Variants in NYNRIN observed in about 807,000 individuals in gnomAD.
NYNRIN encodes the protein NYN domain and retroviral integrase containing, also known as protein NYNRIN.
A neutral mutation model predicts 146.6 loss-of-function variants in NYNRIN; 86 were observed. The ratio of observed to expected loss-of-function variants is 0.59; its 90% CI spans 0.49 to 0.70. NYNRIN has a LOEUF of 0.70. Ranked by LOEUF, NYNRIN falls within the 30% of genes least tolerant of loss-of-function variation. The pLI, the probability that NYNRIN is intolerant of heterozygous loss-of-function variation, is 0.00. For missense variants in NYNRIN, 2,191 were observed against 2,377.7 expected (o/e 0.92, Z 1.63); for synonymous variants, 1,027 against 1,001.3 (o/e 1.03, Z -0.48).
In NYNRIN at chr14:24,414,831, A is replaced by T; in HGVS notation, c.3082A>T (p.Arg1028Trp). 6.2e-7 allele frequency: 1 copy of T among 1,613,448 alleles called. No individual in the cohort carries two copies. The highest frequency in any genetic ancestry group is 8.5e-7 in the Non-Finnish European group (1 of 1,179,570). Reference sequence around the variant, plus strand: ...TGACTCTTCGCTGGCGTCAGTGTTCAGGGTGGAGTGCCCGTCCCTTTCGGA... The same window carrying T: ...TGACTCTTCGCTGGCGTCAGTGTTCTGGGTGGAGTGCCCGTCCCTTTCGGA... ...DLDSSLASVFRVECPSLSEEI... is the reference protein window; with the variant it reads ...DLDSSLASVFWVECPSLSEEI... The change falls in exon 9 of 9, where the codon AGG (arginine) becomes TGG (tryptophan). Residue 1028 changes from arginine (R) to tryptophan (W), a missense_variant. This residue lies in a region of NYNRIN where 1,291 missense variants were observed against 1,417.0 expected (regional missense o/e 0.91). Coordinates refer to ENST00000382554, the MANE Select transcript of NYNRIN (RefSeq NM_025081.3).
rs777654963 is a variant in NYNRIN, at chr14:24,409,100, G to C, written c.1306G>C (p.Gly436Arg). ...AGAAAGCCCAGCTGGTAGACCAGAT[G>C]GGGGGCTGGGAGGAGAAGCAGCCCT... is the stretch of plus-strand genomic sequence containing the variant. Reference protein sequence around the residue: ...SAESPAGRPDGGLGGEAALQN... With the variant: ...SAESPAGRPDRGLGGEAALQN... The change falls in exon 4 of 9, where the codon GGG (glycine) becomes CGG (arginine). Residue 436 changes from glycine to arginine, a missense_variant. Gly to Arg is a moderately radical substitution (Grantham distance 125). This residue lies in a region of NYNRIN where 895 missense variants were observed against 941.2 expected (regional missense o/e 0.95). Transcript: ENST00000382554. 24 of 1,613,570 alleles carry C rather than the reference G, an allele frequency of 1.5e-5. No individual in the cohort carries two copies. The highest frequency in any genetic ancestry group is 9.9e-5 in the South Asian group (9 of 91,036).
At chr14:24,404,917 C>T (rs900502542) in intron 2 of NYNRIN, among the ~76,000 whole-genome samples, 11 of 152,098 alleles carry the variant, frequency 7.2e-5, no homozygotes, top group African/African-American at 2.4e-4. Context: ...TTATGCTGAT[C>T]AACCTCGACT....
chr14:24,410,658 G>C (rs1321000995), intron 4 of NYNRIN, among the ~76,000 whole-genome samples: 1 of 152,206 alleles, frequency 6.6e-6, no homozygotes, highest in African/African-American at 2.4e-5. Flanking sequence ...ACTTACTGCT[G>C]TAGAGGTGTT....
chr14:24,406,731 A>C (rs1292485056), intron 2 of NYNRIN, among the ~76,000 whole-genome samples: 1 of 152,148 alleles, frequency 6.6e-6, no homozygotes, highest in Non-Finnish European at 1.5e-5. Context: ...AAGAGGGATG[A>C]GAGGGATGAC....
rs745495287 is a variant in NYNRIN, at chr14:24,415,676, C to T, written c.3927C>T (p.Cys1309=). ...PPFSDLSTFV[C]IHMSGYCFYR... is the part of the protein sequence containing the mutation. ...TCTCTGACCTGTCCACGTTCGTCTG[C>T]ATCCACATGTCGGGCTACTGCTTCT... is the stretch of plus-strand genomic sequence containing the variant. Residue 1309 remains cysteine, a synonymous_variant, in exon 9 of 9, where the codon TGC becomes TGT. Coordinates refer to ENST00000382554, the MANE Select transcript of NYNRIN (RefSeq NM_025081.3). 5.6e-5 allele frequency: 91 copies of T among 1,614,008 alleles called. No homozygotes were observed. The highest frequency in any genetic ancestry group is 7.6e-5 in the Non-Finnish European group (90 of 1,179,886).
Position 24,416,508 on chromosome 14 carries a change from T to C in NYNRIN, c.4759T>C (p.Leu1587=). The C allele has an allele frequency of 6.2e-7, 1 of 1,613,824 alleles. No homozygotes were observed. The highest frequency in any genetic ancestry group is 8.5e-7 in the Non-Finnish European group (1 of 1,179,816). The part of the protein sequence containing the change: ...EHVKDYCRSC[L]FCIPRNLIGS... ...TGTGAAAGATTACTGCAGGAGCTGC[T>C]TGTTCTGCATCCCCCGAAATCTCAT... is the stretch of plus-strand genomic sequence containing the variant. The change falls in exon 9 of 9, where the codon TTG becomes CTG. Residue 1587 remains leucine (L), a synonymous_variant. Coordinates refer to ENST00000382554, the MANE Select transcript of NYNRIN (RefSeq NM_025081.3).
In NYNRIN at chr14:24,411,668, T is replaced by A. The variant is rs1366027120; in HGVS notation, c.2642+218T>A. Among the ~76,000 whole-genome samples the A allele has an allele frequency of 6.6e-6, 1 of 152,172 alleles. No individual in the cohort carries two copies. Among genetic ancestry groups the A allele is most frequent in the Non-Finnish European group, 1.5e-5 (1 of 68,028 alleles). ...TTGGCTCTCCCCAAGCCCGGAGTTG[T>A]TTCTGACTTTGGGACTCTGGAGTCC... On this transcript the variant is annotated intron_variant, in intron 6 of 8. Coordinates refer to ENST00000382554, the MANE Select transcript of NYNRIN (RefSeq NM_025081.3). This position sits in a 1 kb window ranked among gnomAD's most constrained non-coding sequence, Gnocchi z 4.3.
rs756629637 is a variant in NYNRIN at position 24,411,421 on chromosome 14, T to C, written c.2613T>C (p.Asn871=). ...CAATCACACCCTCCCAGCTTGAGAA[T>C]GGCAAGAAGATCACCACCTACGATT... ...MLSITPSQLE[N]GKKITTYDYR... is the part of the protein sequence containing the mutation. The change falls in exon 6 of 9, where the codon AAT becomes AAC. Residue 871 remains asparagine, a synonymous_variant. Transcript: ENST00000382554. This position sits in a 1 kb window ranked among gnomAD's most constrained non-coding sequence, Gnocchi z 4.3. 1 of 1,614,000 alleles carries C rather than the reference T, an allele frequency of 6.2e-7. No homozygotes were observed. The highest frequency in any genetic ancestry group is 1.7e-5 in the Admixed American group (1 of 60,014).
Position 24,413,078 on chromosome 14 carries a change from G to A in NYNRIN, c.2724G>A (p.Lys908=). ...EQIHILMNSS[K]KLMVKDRLLP... ...TTCACATCCTGATGAATAGTTCCAA[G>A]AAACTGATGGTCAAAGATCGGTAAG... The change falls in exon 7 of 9, where the codon AAG becomes AAA. Residue 908 remains lysine (K), a synonymous_variant. Coordinates refer to ENST00000382554, the MANE Select transcript of NYNRIN (RefSeq NM_025081.3). The A allele has an allele frequency of 6.3e-7, 1 of 1,593,092 alleles. No homozygotes were observed.
chr14:24,412,036 C>T (rs1341092422), intron 6 of NYNRIN, among the ~76,000 whole-genome samples: 1 of 152,242 alleles, frequency 6.6e-6, no homozygotes, highest in Non-Finnish European at 1.5e-5. Flanking sequence ...GGCATAGTCA[C>T]TGGTCCTGGG....
In NYNRIN at chr14:24,419,202, T is replaced by A. The variant is rs540391237; in HGVS notation, c.*1756T>A. 7 of 152,284 alleles carry A rather than the reference T, an allele frequency of 4.6e-5. No homozygotes were observed. Among genetic ancestry groups the A allele is most frequent in the Non-Finnish European group, 1.0e-4 (7 of 68,044 alleles). The allele number at this position is 152,284 out of a possible 1,614,324, so 9.4% of individuals were successfully genotyped here. ...TCCCTGGTGCTGTATGCGTTCCCCC[T>A]GTTAGCTACATTTGTGATCACATAC... On this transcript the variant is annotated 3_prime_UTR_variant, in exon 9 of 9. Transcript: ENST00000382554.
At position 24,416,561 on chromosome 14, in the gene NYNRIN, C is replaced by T. The variant is rs748649474; in HGVS notation, c.4812C>T (p.Ser1604=). ...LIGSELKVIE[S]PWPLRSTAPW... ...GCAGCGAGTTGAAGGTTATTGAGTCCCCATGGCCCCTCAGGTCGACCGCCC... is the reference window on the plus strand; with the variant it reads ...GCAGCGAGTTGAAGGTTATTGAGTCTCCATGGCCCCTCAGGTCGACCGCCC... Residue 1604 remains serine, a synonymous_variant, in exon 9 of 9, where the codon TCC becomes TCT. Transcript: ENST00000382554. The T allele has an allele frequency of 6.8e-6, 11 of 1,613,822 alleles. No individual in the cohort carries two copies. The African/African-American group carries it at 1.3e-4, about 20-fold the overall frequency.
chr14:24,401,871 A>G (rs2042845847), intron 2 of NYNRIN, among the ~76,000 whole-genome samples: 2 of 152,338 alleles, frequency 1.3e-5, no homozygotes, highest in South Asian at 2.1e-4. Flanking sequence ...ACACATGAAC[A>G]TTTCCCAAGT....
chr14:24,414,485 C>G, intron 8 of NYNRIN, 111 bp from the exon 9 acceptor site: 1 of 1,424,482 alleles, frequency 7.0e-7, no homozygotes, highest in East Asian at 2.5e-5. Context: ...GTTGTTGGCA[C>G]TTGGCCCAGC....
rs369971400 is a variant in NYNRIN at position 24,417,419 on chromosome 14, G to C, written c.5670G>C (p.Pro1890=). ...LMKAFAKSGT[P]LSFKVLEQ is the part of the protein sequence containing the mutation. ...AGGCCTTTGCCAAGAGTGGCACCCC[G>C]CTGTCCTTCAAGGTCTTGGAGCAGT... Residue 1890 remains proline, a synonymous_variant, in exon 9 of 9, where the codon CCG becomes CCC. Transcript: ENST00000382554. The C allele has an allele frequency of 6.6e-7, 1 of 1,525,650 alleles. No individual in the cohort carries two copies. 94.5% of individuals were successfully genotyped at this position (1,525,650 alleles called of 1,614,324 possible).
chr14:24,417,682 G>A lies in NYNRIN; in HGVS notation c.*236G>A. ...CAAAGGCTGTCAGATATGGGTCCCT[G>A]GCAGTTTTACACTGGGAAATGGAGT... On this transcript the variant is annotated 3_prime_UTR_variant, in exon 9 of 9. Transcript: ENST00000382554. 1 of 507,634 alleles carries A rather than the reference G, an allele frequency of 2.0e-6. No individual in the cohort carries two copies. Among genetic ancestry groups the A allele is most frequent in the Non-Finnish European group, 3.3e-6 (1 of 301,456 alleles). 31.4% of individuals were successfully genotyped at this position (507,634 alleles called of 1,614,324 possible).
chr14:24,417,481 C>A lies in NYNRIN; in HGVS notation c.*35C>A, dbSNP rs780546549. On this transcript the variant is annotated 3_prime_UTR_variant, in exon 9 of 9. Coordinates refer to ENST00000382554, the MANE Select transcript of NYNRIN (RefSeq NM_025081.3). ...GCGGGGGTGCCCCCTGCCCCAGGGC[C>A]GTGGGTTTCTGCTGCTAGGCCTCCC... The A allele has an allele frequency of 2.8e-6, 4 of 1,438,286 alleles. No individual in the cohort carries two copies. Among genetic ancestry groups the A allele is most frequent in the South Asian group, 1.5e-5 (1 of 66,082 alleles). 89.1% of individuals were successfully genotyped at this position (1,438,286 alleles called of 1,614,324 possible). A position where few individuals can be genotyped will look rare whatever the true frequency, so the allele number is the denominator to read the frequency against.
chr14:24,411,145 A>G lies in NYNRIN; in HGVS notation c.2484A>G (p.Gly828=), dbSNP rs1002821044. ...CAGTGCAGTTTTTCTGGAACCGGGG[A>G]CACCGAGAGGTCACTGTGTTTGTAC... ...AMAVQFFWNR[G]HREVTVFVPT... Residue 828 remains glycine, a synonymous_variant, in exon 5 of 9, where the codon GGA becomes GGG. Transcript: ENST00000382554. The surrounding 1 kb of genome is among the most constrained non-coding windows in gnomAD (Gnocchi z 4.3). The G allele has an allele frequency of 6.2e-7, 1 of 1,608,028 alleles. No homozygotes were observed. The highest frequency in any genetic ancestry group is 8.5e-7 in the Non-Finnish European group (1 of 1,177,474).
At position 24,407,946 on chromosome 14, in the gene NYNRIN, T is replaced by G. The variant is rs771675951; in HGVS notation, c.276T>G (p.Leu92=). The G allele has an allele frequency of 6.2e-7, 1 of 1,613,890 alleles. No individual in the cohort carries two copies. The highest frequency in any genetic ancestry group is 1.3e-5 in the African/African-American group (1 of 74,942). The change falls in exon 3 of 9, where the codon CTT becomes CTG. Residue 92 remains leucine (L), a synonymous_variant. Coordinates refer to ENST00000382554, the MANE Select transcript of NYNRIN (RefSeq NM_025081.3). The part of the protein sequence containing the change: ...RYPPILHCAF[L]GAQGLFLDCL... ...CACCGATCCTGCACTGTGCCTTCCT[T>G]GGGGCCCAAGGCCTCTTCCTGGACT...
Sources: gnomAD v4.1 joint callset for allele counts (sites outside exome capture counted in the v4.1 genomes callset) on GRCh38, gnomAD v4.1.1 for gene constraint, gnomAD v4.1.1 regional missense constraint, Gnocchi (gnomAD v3.1) non-coding constraint, MANE v1.5 for transcripts, NCBI Gene and HGNC (gene_info 2026-07-23, HGNC 2026-07-21) for gene names.